HCN1: variants seen among roughly 807,000 people sequenced by gnomAD.
HCN1 encodes hyperpolarization activated cyclic nucleotide gated potassium channel 1.
HCN1 carries 13 observed loss-of-function variants against 78.9 expected under a neutral mutation model. The observed-to-expected ratio is 0.16, with a 90% CI of 0.11 to 0.26. The LOEUF (loss-of-function observed/expected upper bound fraction) is 0.26. HCN1 is among the 10% of genes least tolerant of loss of function. The pLI, the probability that HCN1 is intolerant of heterozygous loss-of-function variation, is 1.00. For missense variants in HCN1, 810 were observed against 1,154.3 expected (o/e 0.70, Z 4.32); for synonymous variants, 552 against 455.5 (o/e 1.21, Z -2.70).
rs145822219 is a variant in HCN1, at chr5:45,568,459, C to T, written c.849+76726G>A. Among the ~76,000 whole-genome samples the T allele has an allele frequency of 1.0e-3, 153 of 152,076 alleles. 1 individual carries two copies. The East Asian group carries it at 0.027, about 27-fold the overall frequency. On this transcript the variant is annotated intron_variant, in intron 2 of 7. Coordinates refer to ENST00000303230, the MANE Select transcript of HCN1 (RefSeq NM_021072.4). ...AAATAGAACTGGTCCCAGAATAACG[C>T]TCTGTGCCTTAGTTTCTTCATCATT...
At chr5:45,302,796 A>T (rs774842227) in intron 6 of HCN1, among the ~76,000 whole-genome samples, 12 of 151,906 alleles carry the variant, frequency 7.9e-5, no homozygotes, top group Non-Finnish European at 1.5e-4. Context: ...TATTCTTATG[A>T]TAGGGAATAA....
At chr5:45,485,828 C>A (rs1175393163) in intron 2 of HCN1, among the ~76,000 whole-genome samples, 3 of 152,090 alleles carry the variant, frequency 2.0e-5, no homozygotes, top group African/African-American at 7.2e-5. Flanking sequence ...AAAGAAGCAT[C>A]AACAGATGGT....
intron 2 of HCN1, among the ~76,000 whole-genome samples, chr5:45,622,915 T>C (rs1264835934): frequency 1.3e-5 from 2 of 152,144 alleles, no homozygotes; most frequent in South Asian, 2.1e-4. Flanking sequence ...CAACTAGGCC[T>C]TTCTTCCATT....
chr5:45,681,769 T>C (rs1739706469), intron 1 of HCN1, among the ~76,000 whole-genome samples: 1 of 152,146 alleles, frequency 6.6e-6, no homozygotes, highest in African/African-American at 2.4e-5. Context: ...AGTAATGTAA[T>C]TATTTCTAAA....
chr5:45,270,326 T>C (rs1490214915), intron 6 of HCN1, among the ~76,000 whole-genome samples: 1 of 152,234 alleles, frequency 6.6e-6, no homozygotes, highest in East Asian at 1.9e-4. Flanking sequence ...CAGCCTTAGC[T>C]GCAAGAAAGG....
chr5:45,514,533 T>TA (rs1203383656), intron 2 of HCN1, among the ~76,000 whole-genome samples: 2 of 152,148 alleles, frequency 1.3e-5, no homozygotes, highest in African/African-American at 4.8e-5. Flanking sequence ...ATAGTTCCAA[T>TA]TCTATTTTTC....
At chr5:45,305,196 C>T (rs144022175) in intron 5 of HCN1, among the ~76,000 whole-genome samples, 5 of 152,018 alleles carry the variant, frequency 3.3e-5, no homozygotes, top group South Asian at 2.1e-4. Flanking sequence ...TGTGCTATAC[C>T]GACCCATCAA....
intron 2 of HCN1, among the ~76,000 whole-genome samples, chr5:45,477,445 A>C (rs1252576475): frequency 6.6e-6 from 1 of 152,184 alleles, no homozygotes. Context: ...TTAAAGTCAA[A>C]GGCAGGTTTT....
chr5:45,453,525 T>C (rs959281250), intron 3 of HCN1, among the ~76,000 whole-genome samples: 8 of 152,108 alleles, frequency 5.3e-5, no homozygotes, highest in African/African-American at 1.9e-4. Context: ...CTTCCAGCAG[T>C]GCAGCCAATT....
chr5:45,264,995 C>T (rs1394749876), intron 7 of HCN1, among the ~76,000 whole-genome samples: 1 of 152,102 alleles, frequency 6.6e-6, no homozygotes, highest in Non-Finnish European at 1.5e-5. Flanking sequence ...TCAAGACCGT[C>T]CTGGCCAACA....
chr5:45,468,514 A>C (rs905160122), intron 2 of HCN1, among the ~76,000 whole-genome samples: 5 of 152,028 alleles, frequency 3.3e-5, no homozygotes, highest in Admixed American at 6.6e-5. Flanking sequence ...TACCTTGGCT[A>C]TTACTCAGAA....
intron 3 of HCN1, among the ~76,000 whole-genome samples, chr5:45,411,620 G>A (rs528881928): frequency 7.8e-4 from 119 of 151,914 alleles, no homozygotes; most frequent in Middle Eastern, 3.4e-3. Context: ...TTACCTTTAG[G>A]AAATAAGTCA....
At chr5:45,632,957 C>A (rs969978347) in intron 2 of HCN1, among the ~76,000 whole-genome samples, 1 of 151,934 alleles carries the variant, frequency 6.6e-6, no homozygotes. Context: ...ATGCAAGTGC[C>A]TGAATGCAGC....
At chr5:45,356,572 C>A (rs1747011061) in intron 4 of HCN1, among the ~76,000 whole-genome samples, 1 of 151,912 alleles carries the variant, frequency 6.6e-6, no homozygotes, top group South Asian at 2.1e-4. Flanking sequence ...TGTTTATAAA[C>A]TAACTGTCAT....
At chr5:45,659,270 C>T (rs1019070653) in intron 1 of HCN1, among the ~76,000 whole-genome samples, 50 of 131,930 alleles carry the variant, frequency 3.8e-4, no homozygotes, top group South Asian at 1.8e-3. Flanking sequence ...AAACTAACAA[C>T]CAGAAAGGAC....
intron 6 of HCN1, among the ~76,000 whole-genome samples, chr5:45,291,672 T>C (rs1402767096): frequency 6.6e-6 from 1 of 151,888 alleles, no homozygotes; most frequent in Non-Finnish European, 1.5e-5. Flanking sequence ...CCCCAAGTAG[T>C]TGTATGTGCT....
chr5:45,579,347 A>G (rs994084932), intron 2 of HCN1, among the ~76,000 whole-genome samples: 1 of 152,050 alleles, frequency 6.6e-6, no homozygotes, highest in African/African-American at 2.4e-5. Flanking sequence ...ATCAAGTTCC[A>G]GATTGTAAAC....
intron 2 of HCN1, among the ~76,000 whole-genome samples, chr5:45,520,944 G>A (rs1237867228): frequency 2.0e-5 from 3 of 151,624 alleles, no homozygotes; most frequent in Non-Finnish European, 2.9e-5. Flanking sequence ...TCATGGCCCT[G>A]CCAAGAAAAG....
chr5:45,417,067 G>A (rs1488468068), intron 3 of HCN1, among the ~76,000 whole-genome samples: 1 of 151,890 alleles, frequency 6.6e-6, no homozygotes, highest in Non-Finnish European at 1.5e-5. Flanking sequence ...TTGAAATTAC[G>A]TAAAACTCAA....
Sources: allele counts gnomAD v4.1 joint callset (sites outside exome capture counted in the v4.1 genomes callset), GRCh38; gene constraint gnomAD v4.1.1; transcripts MANE v1.5; gene names NCBI Gene and HGNC (gene_info 2026-07-23, HGNC 2026-07-21).